COL27A1: variants seen among roughly 807,000 people sequenced by gnomAD.
The protein encoded by COL27A1 is collagen alpha-1(XXVII) chain.
Under a neutral mutation model 251.3 loss-of-function variants are expected in COL27A1, and 106 were observed. That is an observed-to-expected ratio of 0.42 (90% CI 0.36 to 0.50). COL27A1 has a LOEUF of 0.50. Ranked by LOEUF, COL27A1 falls within the 20% of genes least tolerant of loss-of-function variation. The probability of loss-of-function intolerance (pLI) is 0.00; values close to 1 mark genes in which losing one functional copy is unlikely to be tolerated. For synonymous variants in COL27A1, 1,000 were observed against 986.3 expected, an observed-to-expected ratio of 1.01 and a Z score of -0.26; for missense variants, 2,325 against 2,522.8, an observed-to-expected ratio of 0.92 and a Z score of 1.68.
At position 114,289,305 on chromosome 9, in the gene COL27A1, C is replaced by A; in HGVS notation, c.4206+10C>A. ...ATCGAAAGGCGCAGAGGTAAGAGGG[C>A]CGGGGGTTCAGCAGGGAGACTGAGT... On this transcript the variant is annotated intron_variant, in intron 45 of 60. Transcript: ENST00000356083. 1 of 1,576,434 alleles carries A rather than the reference C, an allele frequency of 6.3e-7. No individual in the cohort carries two copies. Among genetic ancestry groups the A allele is most frequent in the Non-Finnish European group, 8.6e-7 (1 of 1,164,954 alleles).
chr9:114,198,087 G>A (rs1391383764), intron 7 of COL27A1, among the ~76,000 whole-genome samples: 4 of 152,234 alleles, frequency 2.6e-5, no homozygotes, highest in African/African-American at 9.6e-5. Flanking sequence ...ACCTTGAGGG[G>A]AGAAGGGAAG....
Position 114,162,945 on chromosome 9 carries a change from G to A in COL27A1, c.133+160G>A, listed in dbSNP as rs533458447. On this transcript the variant is annotated intron_variant, in intron 2 of 60. Transcript: ENST00000356083. ...TAATTGGCAAATTCTCTTTAGGCTT[G>A]AAAGAATGACATTTGAGGCCAGGCT... Among the ~76,000 whole-genome samples the A allele has an allele frequency of 4.6e-5, 7 of 151,996 alleles. No individual in the cohort carries two copies. In the South Asian group the frequency reaches 1.0e-3, roughly 23 times the overall value.
In COL27A1 at chr9:114,264,421, A is replaced by G; in HGVS notation, c.3249+13A>G. 1 of 1,555,474 alleles carries G rather than the reference A, an allele frequency of 6.4e-7. No homozygotes were observed. Reference sequence around the variant, plus strand: ...CAGGGGCCTGAAGGTACCGACCCCTAGGACCTGCCCTTCCTCACTCCTCCG... The same window carrying G: ...CAGGGGCCTGAAGGTACCGACCCCTGGGACCTGCCCTTCCTCACTCCTCCG... On this transcript the variant is annotated intron_variant, in intron 29 of 60. Coordinates refer to ENST00000356083, the MANE Select transcript of COL27A1 (RefSeq NM_032888.4).
At chr9:114,204,174 C>T (rs1829772812) in intron 7 of COL27A1, among the ~76,000 whole-genome samples, 1 of 152,130 alleles carries the variant, frequency 6.6e-6, no homozygotes, top group African/African-American at 2.4e-5. Context: ...TTCTAACTCC[C>T]TTATCTGAAG....
intron 36 of COL27A1, chr9:114,271,378 C>T (rs1337695756): frequency 6.4e-6 from 1 of 155,418 alleles, no homozygotes; most frequent in Non-Finnish European, 1.4e-5. Flanking sequence ...AAAGCCTCTG[C>T]TCACTCTGCT....
intron 4 of COL27A1, among the ~76,000 whole-genome samples, chr9:114,182,339 A>G (rs1827993041): frequency 6.6e-6 from 1 of 151,640 alleles, no homozygotes; most frequent in Non-Finnish European, 1.5e-5. Flanking sequence ...TCATACCACT[A>G]CAGTCTAGCC....
At chr9:114,159,621 AAC>A (rs1683904519) in intron 1 of COL27A1, among the ~76,000 whole-genome samples, 1 of 152,238 alleles carries the variant, frequency 6.6e-6, no homozygotes, top group Non-Finnish European at 1.5e-5. Flanking sequence ...AAGTACAGTC[AAC>A]TTCTTTATTG....
intron 4 of COL27A1, among the ~76,000 whole-genome samples, chr9:114,181,185 T>TG (rs1005402584): frequency 6.6e-6 from 1 of 151,930 alleles, no homozygotes; most frequent in Non-Finnish European, 1.5e-5. Context: ...GATTATGAGG[T>TG]GGGGCTCAGA....
intron 28 of COL27A1, among the ~76,000 whole-genome samples, chr9:114,260,380 C>T (rs1386961659): frequency 1.2e-4 from 18 of 152,116 alleles, no homozygotes; most frequent in African/African-American, 2.4e-5. Flanking sequence ...GGCTGCCCTT[C>T]GCCACCTCCT....
At chr9:114,296,686 A>G (rs1232149426) in intron 49 of COL27A1, among the ~76,000 whole-genome samples, 1 of 152,224 alleles carries the variant, frequency 6.6e-6, no homozygotes, top group Admixed American at 6.5e-5. Flanking sequence ...TGTATAATCA[A>G]ATCATTCCAC....
At position 114,193,669 on chromosome 9, in the gene COL27A1, C is replaced by T. The variant is rs1362654402; in HGVS notation, c.2017-735C>T. On this transcript the variant is annotated intron_variant, in intron 5 of 60. Transcript: ENST00000356083. The stretch of plus-strand genomic sequence containing the variant: ...CTCACTAGATTGTAGAAATCTAGTG[C>T]GGTGAGGGATAGTGCCAACTGTGAA... 8.6e-5 allele frequency among the ~76,000 whole-genome samples: 13 copies of T among 152,038 alleles called. 1 individual carries two copies. The highest frequency in any genetic ancestry group is 2.6e-4 in the Admixed American group (4 of 15,274).
At position 114,288,958 on chromosome 9, in the gene COL27A1, G is replaced by A. The variant is rs1827710417; in HGVS notation, c.4143G>A (p.Gln1381=). The A allele has an allele frequency of 6.2e-7, 1 of 1,613,604 alleles. No homozygotes were observed. Among genetic ancestry groups the A allele is most frequent in the Admixed American group, 1.7e-5 (1 of 60,002 alleles). ...VQGLRGKPGQ[Q]GQPGHPGPRG... ...GCCTCCGTGGAAAGCCAGGCCAGCA[G>A]GGCCAACCCGTGAGTGGTGCTTCGT... The change falls in exon 44 of 61, where the codon CAG becomes CAA. Residue 1381 remains glutamine (Q), a synonymous_variant. Transcript: ENST00000356083.
intron 12 of COL27A1, among the ~76,000 whole-genome samples, chr9:114,215,879 G>A (rs567132953): frequency 3.3e-5 from 5 of 152,284 alleles, no homozygotes; most frequent in African/African-American, 9.6e-5. Flanking sequence ...CAGGTGAGTG[G>A]GACAGTGCTG....
At chr9:114,305,409 G>A (rs1215817129) in intron 57 of COL27A1, among the ~76,000 whole-genome samples, 4 of 152,258 alleles carry the variant, frequency 2.6e-5, no homozygotes, top group Middle Eastern at 3.4e-3. Flanking sequence ...GAAGGGAAGC[G>A]TTTCCTTCCA....
At chr9:114,281,995 C>T (rs1020183178) in intron 37 of COL27A1, among the ~76,000 whole-genome samples, 1 of 152,120 alleles carries the variant, frequency 6.6e-6, no homozygotes, top group African/African-American at 2.4e-5. Context: ...TTGCAGAAGC[C>T]GCACCCGCCA....
At chr9:114,278,334 G>A (rs1216441473) in intron 37 of COL27A1, among the ~76,000 whole-genome samples, 1 of 43,852 alleles carries the variant, frequency 2.3e-5, no homozygotes, top group Non-Finnish European at 4.8e-5. Flanking sequence ...GGTGGTGATG[G>A]TGGTGCTGGT....
intron 9 of COL27A1, 140 bp from the exon 10 acceptor site, chr9:114,206,112 G>A (rs1307734069): frequency 1.2e-6 from 1 of 840,904 alleles, no homozygotes; most frequent in Non-Finnish European, 2.0e-6. Flanking sequence ...GTGGGGGTCA[G>A]GCCAAAGATC....
rs1249650707 is a variant in COL27A1, at chr9:114,309,316, G to C, written c.5274G>C (p.Glu1758Asp). The C allele has an allele frequency of 1.2e-6, 2 of 1,614,050 alleles. No homozygotes were observed. The highest frequency in any genetic ancestry group is 8.5e-7 in the Non-Finnish European group (1 of 1,180,054). Residue 1758 changes from glutamate to aspartate, a missense_variant, in exon 60 of 61, where the codon GAG becomes GAC. Around this residue, in one of 4 missense-constraint regions of COL27A1, gnomAD observed 327 missense variants for 442.8 expected, o/e 0.74. Coordinates refer to ENST00000356083, the MANE Select transcript of COL27A1 (RefSeq NM_032888.4). ...QMNFLHLLSS[E>D]VTQHITIHCL... ...ATTTCCTGCACCTGCTAAGCTCCGA[G>C]GTGACCCAGCACATCACCATCCACT...
chr9:114,288,509 C>T lies in COL27A1; in HGVS notation c.4042C>T (p.Arg1348Trp), dbSNP rs561933395. The change falls in exon 42 of 61, where the codon CGG becomes TGG. Residue 1348 changes from arginine (R) to tryptophan (W), a missense_variant and splice_region_variant. This residue lies in a region of COL27A1 where 662 missense variants were observed against 795.3 expected (regional missense o/e 0.83). Transcript: ENST00000356083. ...AEGPPGPPGD[R>W]GPVGDRGDRG... is the part of the protein sequence containing the mutation. ...GGGGCCCCCTGGGCCACCTGGAGAT[C>T]GGGTAAGCCCCCTCCCTCCCCTGGA... The T allele has an allele frequency of 1.2e-5, 19 of 1,604,328 alleles. No individual in the cohort carries two copies. In the East Asian group the frequency reaches 2.5e-4, roughly 21 times the overall value.
Sources: gnomAD v4.1 joint callset for allele counts (sites outside exome capture counted in the v4.1 genomes callset) on GRCh38, gnomAD v4.1.1 for gene constraint, gnomAD v4.1.1 regional missense constraint, MANE v1.5 for transcripts, NCBI Gene and HGNC (gene_info 2026-07-23, HGNC 2026-07-21) for gene names.